The following TAFA2 variants were observed in gnomAD, a reference collection of about 807,000 sequenced individuals.
The protein encoded by TAFA2 is TAFA chemokine like family member 2.
Under a neutral mutation model 18.8 loss-of-function variants are expected in TAFA2, and 7 were observed. The observed-to-expected ratio is 0.37, with a 90% CI of 0.21 to 0.70. The LOEUF (loss-of-function observed/expected upper bound fraction) is 0.70, where lower values mean the gene tolerates loss of function less well. Among genes scored for constraint, TAFA2 ranks in the 30% least tolerant of loss-of-function variants. The pLI is 0.53. For missense variants in TAFA2, 122 were observed against 158.1 expected, an observed-to-expected ratio of 0.77 and a Z score of 1.23; for synonymous variants, 60 against 54.2, an observed-to-expected ratio of 1.11 and a Z score of -0.47.
At chr12:61,965,300 G>T (rs923889263) in intron 1 of TAFA2, among the ~76,000 whole-genome samples, 1 of 151,786 alleles carries the variant, frequency 6.6e-6, no homozygotes, top group Admixed American at 6.6e-5. Context: ...GAACCAGAAT[G>T]TGAGTGCTCA....
chr12:61,749,441 C>G (rs1868902455), intron 4 of TAFA2, among the ~76,000 whole-genome samples: 1 of 151,986 alleles, frequency 6.6e-6, no homozygotes, highest in Non-Finnish European at 1.5e-5. Flanking sequence ...GCAGAGTGCC[C>G]AGATCACAGT....
intron 1 of TAFA2, among the ~76,000 whole-genome samples, chr12:62,201,426 A>AGG (rs2062670496): frequency 6.6e-6 from 1 of 152,176 alleles, no homozygotes; most frequent in African/African-American, 2.4e-5. Flanking sequence ...TACCTAGTAT[A>AGG]TTGAGAGTTT....
intron 2 of TAFA2, among the ~76,000 whole-genome samples, chr12:61,777,989 T>C (rs1266329219): frequency 6.6e-6 from 1 of 151,816 alleles, no homozygotes; most frequent in African/African-American, 2.4e-5. Flanking sequence ...GGAAAAGGGA[T>C]AACTGGGAGC....
At chr12:61,812,942 C>G (rs960428686) in intron 2 of TAFA2, among the ~76,000 whole-genome samples, 5 of 151,380 alleles carry the variant, frequency 3.3e-5, no homozygotes, top group South Asian at 2.1e-4. Flanking sequence ...AAAAAATATC[C>G]TCTTGTTTGC....
At chr12:62,039,582 G>GT (rs1240013558) in intron 1 of TAFA2, among the ~76,000 whole-genome samples, 1 of 152,144 alleles carries the variant, frequency 6.6e-6, no homozygotes, top group African/African-American at 2.4e-5. Context: ...ACTTTTAAAG[G>GT]TAACTTGGAT....
chr12:61,755,074 C>A, intron 2 of TAFA2, 50 bp from the exon 3 acceptor site: 1 of 1,577,832 alleles, frequency 6.3e-7, no homozygotes, highest in Non-Finnish European at 8.7e-7. Flanking sequence ...TTGGACACTT[C>A]CCCCCACCCT....
At chr12:62,014,130 C>T (rs1880852609) in intron 1 of TAFA2, among the ~76,000 whole-genome samples, 1 of 152,112 alleles carries the variant, frequency 6.6e-6, no homozygotes. Flanking sequence ...AAACATTCTA[C>T]TGACATCGAA....
chr12:61,710,558 C>G, intron 4 of TAFA2, 141 bp from the exon 5 acceptor site: 1 of 637,542 alleles, frequency 1.6e-6, no homozygotes. Context: ...AAAGGACTAA[C>G]AGATGCAGGT....
intron 1 of TAFA2, among the ~76,000 whole-genome samples, chr12:62,064,292 C>T (rs1882430066): frequency 6.6e-6 from 1 of 151,940 alleles, no homozygotes; most frequent in Non-Finnish European, 1.5e-5. Flanking sequence ...ATAGACAGAG[C>T]TATTTTGCCA....
At chr12:62,135,683 A>G (rs887446906) in intron 1 of TAFA2, 2 of 152,182 alleles carry the variant, frequency 1.3e-5, no homozygotes, top group Non-Finnish European at 2.9e-5. Flanking sequence ...AGACTGATTT[A>G]CCATCTCTGA....
chr12:62,021,457 A>G (rs1372341004), intron 1 of TAFA2: 4 of 488,214 alleles, frequency 8.2e-6, no homozygotes, highest in Non-Finnish European at 1.1e-5. Flanking sequence ...CAAGACCCCA[A>G]AGTCCACTGC....
At chr12:61,765,869 C>G (rs750131599) in intron 2 of TAFA2, among the ~76,000 whole-genome samples, 5 of 151,992 alleles carry the variant, frequency 3.3e-5, no homozygotes, top group African/African-American at 1.2e-4. Flanking sequence ...GATGAGAAAA[C>G]ATAATCCTAA....
At chr12:61,889,258 TCTAGA>T (rs1419286032) in intron 1 of TAFA2, among the ~76,000 whole-genome samples, 1 of 152,200 alleles carries the variant, frequency 6.6e-6, no homozygotes, top group Non-Finnish European at 1.5e-5. Flanking sequence ...TTTATGGATA[TCTAGA>T]CTAAGCTGAC....
intron 1 of TAFA2, among the ~76,000 whole-genome samples, chr12:61,907,705 C>T (rs1876420576): frequency 6.6e-6 from 1 of 152,076 alleles, no homozygotes; most frequent in African/African-American, 2.4e-5. Context: ...GTAGCATGCA[C>T]CTGAAAAAGC....
chr12:61,751,854 C>A (rs1017530753), intron 4 of TAFA2, among the ~76,000 whole-genome samples: 1 of 151,824 alleles, frequency 6.6e-6, no homozygotes, highest in Non-Finnish European at 1.5e-5. Context: ...AGTAAAACAG[C>A]ACTTCCAAAT....
chr12:62,190,690 A>C (rs1403233632), intron 1 of TAFA2, among the ~76,000 whole-genome samples: 1 of 152,192 alleles, frequency 6.6e-6, no homozygotes, highest in African/African-American at 2.4e-5. Flanking sequence ...TATCAGCTTG[A>C]TTCTTTATGA....
At chr12:61,844,599 G>A (rs1592429049) in intron 2 of TAFA2, among the ~76,000 whole-genome samples, 1 of 152,062 alleles carries the variant, frequency 6.6e-6, no homozygotes, top group Admixed American at 6.6e-5. Flanking sequence ...TTTCCATTAT[G>A]ATCTAATTTG....
At chr12:62,073,717 T>A (rs1024871768) in intron 1 of TAFA2, among the ~76,000 whole-genome samples, 2 of 152,224 alleles carry the variant, frequency 1.3e-5, no homozygotes, top group Non-Finnish European at 2.9e-5. Context: ...TTATTTTTTA[T>A]TACATTTTTG....
chr12:62,220,365 G>T (rs927214252), intron 1 of TAFA2, among the ~76,000 whole-genome samples: 3 of 152,166 alleles, frequency 2.0e-5, no homozygotes, highest in Admixed American at 6.5e-5. Context: ...CTACACACCT[G>T]TAAGAATGGT....
Sources: allele counts gnomAD v4.1 joint callset (sites outside exome capture counted in the v4.1 genomes callset), GRCh38; gene constraint gnomAD v4.1.1; transcripts MANE v1.5; gene names NCBI Gene and HGNC (gene_info 2026-07-23, HGNC 2026-07-21).